RASGRF2: variants seen among roughly 807,000 people sequenced by gnomAD.
The protein encoded by RASGRF2 is Ras protein specific guanine nucleotide releasing factor 2.
A neutral mutation model predicts 151.0 loss-of-function variants in RASGRF2; 76 were observed. The ratio of observed to expected loss-of-function variants is 0.50; its 90% CI spans 0.42 to 0.61. The LOEUF is 0.61. Ranked by LOEUF, RASGRF2 falls within the 20% of genes least tolerant of loss-of-function variation. The pLI is 0.00. For synonymous variants in RASGRF2, 504 were observed against 566.5 expected (o/e 0.89, Z 1.57); for missense variants, 1,148 against 1,564.6 (o/e 0.73, Z 4.49).
chr5:81,031,899 C>T (rs1291580274), intron 1 of RASGRF2, among the ~76,000 whole-genome samples: 2 of 152,006 alleles, frequency 1.3e-5, no homozygotes, highest in Non-Finnish European at 2.9e-5. Flanking sequence ...TGATAGACCG[C>T]TAGCAAGACT....
intron 1 of RASGRF2, among the ~76,000 whole-genome samples, chr5:81,016,509 T>C (rs1023589467): frequency 3.3e-5 from 5 of 152,218 alleles, no homozygotes; most frequent in African/African-American, 1.2e-4. Flanking sequence ...CACAGTTTAA[T>C]TTGCTTCAGT....
chr5:80,985,924 GGT>G (rs57558988), intron 1 of RASGRF2, among the ~76,000 whole-genome samples: 31 of 149,852 alleles, frequency 2.1e-4, no homozygotes, highest in Non-Finnish European at 2.5e-4. Context: ...TAGGTCTTTA[GGT>G]GTGTGTGTGT....
chr5:81,123,811 A>T (rs1753380653), intron 16 of RASGRF2, 44 bp downstream of exon 16: 1 of 1,575,690 alleles, frequency 6.3e-7, no homozygotes, highest in Non-Finnish European at 8.6e-7. Flanking sequence ...GTGAAAAATG[A>T]TTTCTAGCTT....
chr5:81,141,309 C>T (rs551564326), intron 17 of RASGRF2, among the ~76,000 whole-genome samples: 56 of 152,258 alleles, frequency 3.7e-4, no homozygotes, highest in African/African-American at 9.6e-4. Flanking sequence ...GATCTCTTCT[C>T]GGGCACTGTG....
chr5:81,048,183 T>C (rs1173322852), intron 2 of RASGRF2, among the ~76,000 whole-genome samples: 1 of 152,194 alleles, frequency 6.6e-6, no homozygotes, highest in Non-Finnish European at 1.5e-5. Flanking sequence ...AGTGATGTTA[T>C]AGCCTAAAGC....
intron 17 of RASGRF2, among the ~76,000 whole-genome samples, chr5:81,153,774 A>G (rs1057164715): frequency 6.6e-6 from 1 of 152,174 alleles, no homozygotes; most frequent in African/African-American, 2.4e-5. Context: ...ATATTGTCAA[A>G]CCATATAAAA....
chr5:81,074,585 C>T (rs998066862), intron 5 of RASGRF2, among the ~76,000 whole-genome samples: 2 of 152,112 alleles, frequency 1.3e-5, no homozygotes, highest in African/African-American at 4.8e-5. Context: ...TATTTTCCCT[C>T]TTCTTACACA....
At chr5:81,035,049 T>C (rs561054507) in intron 1 of RASGRF2, among the ~76,000 whole-genome samples, 2 of 152,156 alleles carry the variant, frequency 1.3e-5, no homozygotes, top group Non-Finnish European at 2.9e-5. Flanking sequence ...GTTCAACTAT[T>C]GTGGTGATTC....
rs1751833076 is a variant in RASGRF2 at position 81,073,229 on chromosome 5, A to C, written c.664A>C (p.Arg222=). The change falls in exon 5 of 27, where the codon AGA becomes CGA. Residue 222 remains arginine, a synonymous_variant. Coordinates refer to ENST00000265080, the MANE Select transcript of RASGRF2 (RefSeq NM_006909.3). The part of the protein sequence containing the change: ...VQSFMRGWLC[R]RKWKTIVQDY... The stretch of plus-strand genomic sequence containing the variant: ...GAGCTTCATGCGAGGATGGTTGTGC[A>C]GAAGGAAATGGAAGACCATCGTGCA... The C allele has an allele frequency of 1.2e-6, 2 of 1,614,054 alleles. No individual in the cohort carries two copies. The highest frequency in any genetic ancestry group is 1.7e-6 in the Non-Finnish European group (2 of 1,179,996).
At chr5:81,073,628 A>T (rs7712425) in intron 5 of RASGRF2, among the ~76,000 whole-genome samples, 176 bp downstream of exon 5, 23,074 of 151,184 alleles carry the variant, frequency 0.15, 2,182 homozygotes, top group East Asian at 0.42. Context: ...TTATTTATTT[A>T]TTTTTTTTGA....
At chr5:81,122,809 T>C (rs1753345217) in intron 15 of RASGRF2, among the ~76,000 whole-genome samples, 1 of 152,208 alleles carries the variant, frequency 6.6e-6, no homozygotes, top group African/African-American at 2.4e-5. Context: ...GGGAGGGGCA[T>C]AGAAACATCA....
chr5:81,164,448 C>T (rs1422071916), intron 17 of RASGRF2, among the ~76,000 whole-genome samples: 26 of 83,112 alleles, frequency 3.1e-4, no homozygotes, highest in Admixed American at 8.6e-4. Flanking sequence ...AATTGGGCCA[C>T]GTTTGATGAA....
Position 81,127,174 on chromosome 5 carries a change from G to A in RASGRF2, c.2686+11G>A. 1 of 1,608,978 alleles carries A rather than the reference G, an allele frequency of 6.2e-7. No homozygotes were observed. On this transcript the variant is annotated intron_variant, in intron 17 of 26. Coordinates refer to ENST00000265080, the MANE Select transcript of RASGRF2 (RefSeq NM_006909.3). ...ATGGGAGTCCACCAGGTGAGTAGGG[G>A]AGCAGCTATGTACAGATATGTGACC...
At chr5:81,097,014 T>C (rs181016898) in intron 12 of RASGRF2, among the ~76,000 whole-genome samples, 219 of 152,036 alleles carry the variant, frequency 1.4e-3, no homozygotes, top group African/African-American at 5.1e-3. Flanking sequence ...CAGGCTGGAG[T>C]GCAGTGGTGC....
At chr5:81,099,391 A>T (rs991102732) in intron 12 of RASGRF2, among the ~76,000 whole-genome samples, 11 of 152,122 alleles carry the variant, frequency 7.2e-5, no homozygotes, top group African/African-American at 1.7e-4. Context: ...CGTTGAGTGT[A>T]TGAGCTGTTT....
intron 15 of RASGRF2, among the ~76,000 whole-genome samples, chr5:81,116,178 G>A (rs1164832783): frequency 7.0e-6 from 1 of 143,134 alleles, no homozygotes; most frequent in East Asian, 2.1e-4. Flanking sequence ...TGCCTCCCAG[G>A]TTCGAGCTAT....
chr5:81,125,597 A>G (rs901107500), intron 16 of RASGRF2, among the ~76,000 whole-genome samples: 1 of 152,218 alleles, frequency 6.6e-6, no homozygotes, highest in Admixed American at 6.5e-5. Context: ...ACTTCATTGT[A>G]ACCTGGAAGA....
intron 17 of RASGRF2, among the ~76,000 whole-genome samples, chr5:81,142,517 T>G (rs1340356377): frequency 6.6e-6 from 1 of 152,188 alleles, no homozygotes; most frequent in Non-Finnish European, 1.5e-5. Flanking sequence ...CTGCATGCAA[T>G]GTTTCTTATA....
chr5:81,134,778 C>T (rs1753714255), intron 17 of RASGRF2, among the ~76,000 whole-genome samples: 1 of 152,150 alleles, frequency 6.6e-6, no homozygotes, highest in African/African-American at 2.4e-5. Flanking sequence ...CAACCTTTAT[C>T]TTTTGGTAGT....
Sources: gnomAD v4.1 joint callset for allele counts (sites outside exome capture counted in the v4.1 genomes callset) on GRCh38, gnomAD v4.1.1 for gene constraint, MANE v1.5 for transcripts, NCBI Gene and HGNC (gene_info 2026-07-23, HGNC 2026-07-21) for gene names.